SRGAP2: variants seen among roughly 807,000 people sequenced by gnomAD.
SRGAP2 encodes SLIT-ROBO Rho GTPase-activating protein 2.
Under a neutral mutation model 57.2 loss-of-function variants are expected in SRGAP2, and 15 were observed. The ratio of observed to expected loss-of-function variants is 0.26; its 90% CI spans 0.18 to 0.40. The LOEUF (loss-of-function observed/expected upper bound fraction) is 0.40, where lower values mean the gene tolerates loss of function less well. Among genes scored for constraint, SRGAP2 ranks in the 10% least tolerant of loss-of-function variants. The pLI is 1.00. For synonymous variants in SRGAP2, 249 were observed against 248.0 expected, an observed-to-expected ratio of 1.00 and a Z score of -0.04; for missense variants, 520 against 669.6, an observed-to-expected ratio of 0.78 and a Z score of 2.47.
chr1:206,357,067 C>T (rs1676494638), intron 4 of SRGAP2, among the ~76,000 whole-genome samples: 1 of 140,978 alleles, frequency 7.1e-6, no homozygotes, highest in African/African-American at 2.8e-5. Flanking sequence ...TCAAGAGCTC[C>T]CAGAATCATC....
chr1:206,286,956 G>A (rs1671062787), intron 2 of SRGAP2, among the ~76,000 whole-genome samples: 2 of 152,294 alleles, frequency 1.3e-5, no homozygotes, highest in African/African-American at 4.8e-5. Flanking sequence ...AGTGTGGAGA[G>A]TAGACTACAG....
intron 3 of SRGAP2, among the ~76,000 whole-genome samples, chr1:206,339,075 G>C (rs1237608907): frequency 2.0e-5 from 3 of 151,858 alleles, no homozygotes; most frequent in African/African-American, 7.3e-5. Flanking sequence ...GCATAGATAA[G>C]TTATTGTAAT....
chr1:206,263,143 G>A (rs1221258276), intron 2 of SRGAP2, among the ~76,000 whole-genome samples: 1 of 146,098 alleles, frequency 6.8e-6, no homozygotes, highest in Non-Finnish European at 1.5e-5. Context: ...TTGGTATGAT[G>A]TACTTAATGT....
chr1:206,402,272 C>T (rs1298887005), intron 8 of SRGAP2, among the ~76,000 whole-genome samples: 19 of 152,104 alleles, frequency 1.2e-4, no homozygotes, highest in African/African-American at 4.6e-4. Context: ...ATCCCAAAGG[C>T]CTGATGCTGG....
chr1:206,291,529 A>G (rs1467996702), intron 2 of SRGAP2, among the ~76,000 whole-genome samples: 1 of 152,004 alleles, frequency 6.6e-6, no homozygotes, highest in Non-Finnish European at 1.5e-5. Flanking sequence ...TGGCAGAACT[A>G]CAATTAAAAT....
chr1:206,378,401 C>T (rs1297349119), intron 4 of SRGAP2, among the ~76,000 whole-genome samples: 1 of 152,018 alleles, frequency 6.6e-6, no homozygotes, highest in African/African-American at 2.4e-5. Context: ...GATCACGTGA[C>T]AGTTGAGCCC....
intron 10 of SRGAP2, among the ~76,000 whole-genome samples, chr1:206,409,924 C>A (rs1659055300): frequency 6.6e-6 from 1 of 150,394 alleles, no homozygotes; most frequent in African/African-American, 2.5e-5. Flanking sequence ...CATGGAGAAA[C>A]CTCGTCTCTA....
At chr1:206,344,088 C>T (rs1262245259) in intron 4 of SRGAP2, among the ~76,000 whole-genome samples, 1 of 152,128 alleles carries the variant, frequency 6.6e-6, no homozygotes, top group Non-Finnish European at 1.5e-5. Flanking sequence ...AGCTCTTGAT[C>T]AGCTTTCCAG....
chr1:206,398,290 C>T lies in SRGAP2; in HGVS notation c.832-3131C>T, dbSNP rs373643142. Among the ~76,000 whole-genome samples the T allele has an allele frequency of 8.6e-3, 1,314 of 152,064 alleles. 19 individuals are homozygous for T. Among genetic ancestry groups the T allele is most frequent in the African/African-American group, 0.03 (1,247 of 41,458 alleles). On this transcript the variant is annotated intron_variant, in intron 7 of 22. Transcript: ENST00000573034. ...CTAACCTTGCCAGATATTGCTTCTT[C>T]GCTGAAGGCTCGGTTTCTGGCTGTT...
At chr1:206,419,767 G>A (rs1660128912) in intron 12 of SRGAP2, among the ~76,000 whole-genome samples, 1 of 151,504 alleles carries the variant, frequency 6.6e-6, no homozygotes. Flanking sequence ...GCTCTGGGGA[G>A]TCTCTGACCC....
At chr1:206,391,596 CTG>C (rs1211916462) in intron 5 of SRGAP2, among the ~76,000 whole-genome samples, 9 of 121,248 alleles carry the variant, frequency 7.4e-5, no homozygotes, top group African/African-American at 2.7e-4. Context: ...CTTTGCACTC[CTG>C]TGTTACACAC....
chr1:206,436,125 A>G (rs1553369932), intron 14 of SRGAP2, among the ~76,000 whole-genome samples: 1 of 152,120 alleles, frequency 6.6e-6, no homozygotes, highest in Non-Finnish European at 1.5e-5. Context: ...TATCATTAGA[A>G]TATTTTATGT....
intron 4 of SRGAP2, among the ~76,000 whole-genome samples, chr1:206,347,537 G>T (rs1426229984): frequency 1.3e-5 from 2 of 150,422 alleles, no homozygotes; most frequent in Non-Finnish European, 2.9e-5. Flanking sequence ...AGATCATGCT[G>T]TTGCACTTCA....
At chr1:206,441,124 G>T (rs1553371894) in intron 17 of SRGAP2, among the ~76,000 whole-genome samples, 1 of 152,214 alleles carries the variant, frequency 6.6e-6, no homozygotes, top group East Asian at 1.9e-4. Flanking sequence ...GGGACATAGG[G>T]TGGTCATTTA....
At chr1:206,230,600 A>T (rs1377405414) in intron 2 of SRGAP2, among the ~76,000 whole-genome samples, 2 of 151,344 alleles carry the variant, frequency 1.3e-5, no homozygotes, top group South Asian at 2.1e-4. Context: ...TTAACAAGAC[A>T]GAGGAAGTCC....
Position 206,462,548 on chromosome 1 carries a change from C to T in SRGAP2, c.*1128C>T, listed in dbSNP as rs113920539. On this transcript the variant is annotated 3_prime_UTR_variant, in exon 23 of 23. Coordinates refer to ENST00000573034, the MANE Select transcript of SRGAP2 (RefSeq NM_015326.5). ...CAAATGAAAACTTGTTTTAAGTCCA[C>T]CCCTTAGTTTCCTTATTTTACAAGG... 3.6e-4 allele frequency: 55 copies of T among 152,514 alleles called. No individual in the cohort carries two copies. The highest frequency in any genetic ancestry group is 1.2e-3 in the African/African-American group (51 of 41,436). The allele number at this position is 152,514 out of a possible 1,614,324, so 9.4% of individuals were successfully genotyped here.
intron 2 of SRGAP2, among the ~76,000 whole-genome samples, chr1:206,285,723 A>G (rs1198718470): frequency 2.6e-5 from 4 of 152,110 alleles, no homozygotes; most frequent in African/African-American, 4.8e-5. Context: ...GCTGGAGTGC[A>G]GCGGTGTGAT....
chr1:206,419,393 C>G lies in SRGAP2; in HGVS notation c.1462C>G (p.Leu488Val), dbSNP rs368544055. ...LGESQRTDCSLARRSSTVRKQ... is the reference protein window; with the variant it reads ...LGESQRTDCSVARRSSTVRKQ... Reference sequence around the variant, plus strand: ...AACAGGTCAGCGGACAGATTGCAGTCTAGCCAGGTGAGTGTGGCCTGGGAC... The same window carrying G: ...AACAGGTCAGCGGACAGATTGCAGTGTAGCCAGGTGAGTGTGGCCTGGGAC... The change falls in exon 12 of 23, where the codon CTA becomes GTA. Residue 488 changes from leucine (L) to valine (V), a missense_variant. By Grantham distance (32) the Leu-to-Val change is conservative (BLOSUM62 1). Transcript: ENST00000573034. The G allele has an allele frequency of 2.3e-5, 18 of 780,678 alleles. No homozygotes were observed. Among genetic ancestry groups the G allele is most frequent in the Non-Finnish European group, 3.6e-5 (15 of 417,948 alleles). 48.4% of individuals were successfully genotyped at this position (780,678 alleles called of 1,614,324 possible).
intron 13 of SRGAP2, among the ~76,000 whole-genome samples, chr1:206,423,738 A>G (rs930992981): frequency 3.3e-5 from 5 of 152,042 alleles, no homozygotes; most frequent in Non-Finnish European, 5.9e-5. Context: ...AAATTATGCC[A>G]GATAATGCAT....
Sources: allele counts gnomAD v4.1 joint callset (sites outside exome capture counted in the v4.1 genomes callset), GRCh38; gene constraint gnomAD v4.1.1; transcripts MANE v1.5; gene names NCBI Gene and HGNC (gene_info 2026-07-23, HGNC 2026-07-21).